PBX1: variants seen among roughly 807,000 people sequenced by gnomAD.
PBX1 encodes PBX homeobox 1, also known as pre-B-cell leukemia transcription factor 1.
Under a neutral mutation model 53.4 loss-of-function variants are expected in PBX1, and 6 were observed. The ratio of observed to expected loss-of-function variants is 0.11; its 90% CI spans 0.06 to 0.22. The LOEUF (loss-of-function observed/expected upper bound fraction) is 0.22. Ranked by LOEUF, PBX1 falls within the 10% of genes least tolerant of loss-of-function variation. PBX1 has a pLI of 1.00. For missense variants in PBX1, 251 were observed against 551.4 expected (o/e 0.46, Z 5.46); for synonymous variants, 204 against 212.3 (o/e 0.96, Z 0.34).
chr1:164,812,256 T>C, intron 6 of PBX1, 107 bp downstream of exon 6: 4 of 1,049,728 alleles, frequency 3.8e-6, no homozygotes, highest in Non-Finnish European at 5.4e-6. Context: ...TTTTGATTGG[T>C]TAATTTCTGT....
At chr1:164,633,570 T>G (rs1658552106) in intron 2 of PBX1, among the ~76,000 whole-genome samples, 1 of 152,216 alleles carries the variant, frequency 6.6e-6, no homozygotes, top group South Asian at 2.1e-4. Context: ...TCTGGTAGAA[T>G]TTGAATGGTG....
At chr1:164,660,193 A>C (rs909857582) in intron 2 of PBX1, among the ~76,000 whole-genome samples, 3 of 152,242 alleles carry the variant, frequency 2.0e-5, no homozygotes, top group African/African-American at 7.2e-5. Flanking sequence ...GTAGAAAACA[A>C]GGTTTAAGCA....
At chr1:164,838,394 TG>T (rs1671143144) in intron 8 of PBX1, among the ~76,000 whole-genome samples, 1 of 152,178 alleles carries the variant, frequency 6.6e-6, no homozygotes, top group Non-Finnish European at 1.5e-5. Flanking sequence ...TGAGGTGGAT[TG>T]TTGCTTAGTA....
intron 2 of PBX1, among the ~76,000 whole-genome samples, chr1:164,766,974 C>A (rs1273096872): frequency 6.6e-6 from 1 of 151,728 alleles, no homozygotes; most frequent in Non-Finnish European, 1.5e-5. Context: ...GTGATCCGCC[C>A]GCCTCAGCCT....
intron 2 of PBX1, among the ~76,000 whole-genome samples, chr1:164,630,699 T>G (rs1481453105): frequency 6.6e-6 from 1 of 152,202 alleles, no homozygotes; most frequent in Admixed American, 6.5e-5. Context: ...CTTCTATGAC[T>G]AAGTGACTAA....
intron 2 of PBX1, among the ~76,000 whole-genome samples, chr1:164,710,336 T>G (rs974710530): frequency 3.3e-5 from 5 of 152,160 alleles, no homozygotes; most frequent in Non-Finnish European, 7.4e-5. Flanking sequence ...GAATTTAAAC[T>G]GGGGGATGTC....
intron 5 of PBX1, among the ~76,000 whole-genome samples, 177 bp from the exon 6 acceptor site, chr1:164,811,813 A>T (rs904807306): frequency 2.0e-5 from 3 of 152,182 alleles, no homozygotes; most frequent in Non-Finnish European, 2.9e-5. Flanking sequence ...ATCGCATTTT[A>T]TGTAGTTGTC....
At chr1:164,699,150 T>A (rs963415176) in intron 2 of PBX1, among the ~76,000 whole-genome samples, 1 of 152,208 alleles carries the variant, frequency 6.6e-6, no homozygotes, top group Non-Finnish European at 1.5e-5. Context: ...TAATGATAAA[T>A]GACGTGGGTC....
intron 2 of PBX1, among the ~76,000 whole-genome samples, chr1:164,574,508 G>A (rs1382392999): frequency 1.3e-5 from 2 of 152,126 alleles, no homozygotes; most frequent in Non-Finnish European, 2.9e-5. Flanking sequence ...CTAGGCAGGT[G>A]GAACATTTAT....
intron 2 of PBX1, chr1:164,641,475 T>C (rs1330715791): frequency 6.5e-6 from 1 of 153,064 alleles, no homozygotes; most frequent in Non-Finnish European, 1.5e-5. Flanking sequence ...AAATGACTCA[T>C]CTTCCCGTGC....
chr1:164,619,176 C>T (rs1029869756), intron 2 of PBX1, among the ~76,000 whole-genome samples: 5 of 152,122 alleles, frequency 3.3e-5, no homozygotes, highest in African/African-American at 9.7e-5. Flanking sequence ...CCTTTTGAAA[C>T]CACCTTTGAT....
intron 2 of PBX1, among the ~76,000 whole-genome samples, chr1:164,791,371 C>T (rs1325691743): frequency 2.0e-5 from 3 of 152,192 alleles, no homozygotes; most frequent in Admixed American, 6.5e-5. Context: ...AGAGCACTGG[C>T]TTCCCTGAAA....
intron 2 of PBX1, chr1:164,771,048 C>G (rs771516930): frequency 6.6e-6 from 1 of 152,112 alleles, no homozygotes; most frequent in Non-Finnish European, 1.5e-5. Context: ...CGTTTTCTTG[C>G]TTCTCCCTAA....
At chr1:164,875,497 C>A (rs1249569632) in intron 2 of PBX1, among the ~76,000 whole-genome samples, 8 of 152,004 alleles carry the variant, frequency 5.3e-5, no homozygotes, top group Admixed American at 5.2e-4. Flanking sequence ...GAGACAGGGT[C>A]TCAGTTGCCT....
chr1:164,625,395 A>G lies in PBX1; in HGVS notation c.265+62084A>G, dbSNP rs577328844. Among the ~76,000 whole-genome samples, 9 of 152,312 alleles carry G rather than the reference A, an allele frequency of 5.9e-5. No individual in the cohort carries two copies. In the South Asian group the frequency reaches 6.2e-4, roughly 11 times the overall value. ...TTTTCTCGGCTGTTCTTCCTGAGGA[A>G]ATACACCATGTTACCATTGAGGAAG... On this transcript the variant is annotated intron_variant, in intron 2 of 8. Transcript: ENST00000420696.
intron 2 of PBX1, among the ~76,000 whole-genome samples, chr1:164,790,182 C>T (rs1668421945): frequency 6.6e-6 from 1 of 152,092 alleles, no homozygotes; most frequent in African/African-American, 2.4e-5. Context: ...TTAAGGAAAC[C>T]TTTGTTAGTG....
chr1:164,713,564 C>G (rs1189791061), intron 2 of PBX1, among the ~76,000 whole-genome samples: 1 of 152,152 alleles, frequency 6.6e-6, no homozygotes, highest in Non-Finnish European at 1.5e-5. Flanking sequence ...CCCTTCCTTC[C>G]ATCCTCTCCT....
At chr1:164,566,875 T>C (rs1316255676) in intron 2 of PBX1, among the ~76,000 whole-genome samples, 2 of 152,236 alleles carry the variant, frequency 1.3e-5, no homozygotes, top group Non-Finnish European at 2.9e-5. Flanking sequence ...TTTTCCTCTG[T>C]GCATTGTCTG....
chr1:164,705,290 T>C (rs1312076854), intron 2 of PBX1, among the ~76,000 whole-genome samples: 1 of 152,196 alleles, frequency 6.6e-6, no homozygotes, highest in Admixed American at 6.5e-5. Context: ...CTGGGGAAAA[T>C]ACATTTTACT....
Sources: gnomAD v4.1 joint callset for allele counts (sites outside exome capture counted in the v4.1 genomes callset) on GRCh38, gnomAD v4.1.1 for gene constraint, MANE v1.5 for transcripts, NCBI Gene and HGNC (gene_info 2026-07-23, HGNC 2026-07-21) for gene names.